Variants in MAP2 observed in about 807,000 individuals in gnomAD.
MAP2 encodes the protein microtubule-associated protein 2.
In MAP2, 14 loss-of-function variants were observed where a neutral mutation model predicts 137.6. The observed-to-expected ratio is 0.10, with a 90% CI of 0.07 to 0.16. MAP2 has a LOEUF of 0.16. Among genes scored for constraint, MAP2 ranks in the 10% least tolerant of loss-of-function variants. MAP2 has a pLI of 1.00. For missense variants in MAP2, 2,088 were observed against 2,191.5 expected (o/e 0.95, Z 0.94); for synonymous variants, 786 against 782.3 (o/e 1.00, Z -0.08).
chr2:209,692,707 A>G lies in MAP2; in HGVS notation c.537A>G (p.Glu179=), dbSNP rs763091857. ...CAGCTGAGCCTTCAGACCAGAAGGA[A>G]AAGGAGTCAGAGAAGCAAAGTAAGC... ...PSTAEPSDQK[E]KESEKQSKPG... is the part of the protein sequence containing the mutation. The change falls in exon 8 of 16, where the codon GAA becomes GAG. Residue 179 remains glutamate, a synonymous_variant. Coordinates refer to ENST00000682079, the MANE Select transcript of MAP2 (RefSeq NM_001375505.1). 6.2e-7 allele frequency: 1 copy of G among 1,613,948 alleles called. No homozygotes were observed. Among genetic ancestry groups the G allele is most frequent in the South Asian group, 1.1e-5 (1 of 91,052 alleles).
intron 3 of MAP2, among the ~76,000 whole-genome samples, chr2:209,610,599 A>G (rs534771726): frequency 3.3e-5 from 5 of 152,252 alleles, no homozygotes; most frequent in Admixed American, 6.5e-5. Flanking sequence ...AAAAGTAAAA[A>G]CTTGTATTAT....
chr2:209,604,136 C>T (rs1187085775), intron 3 of MAP2, among the ~76,000 whole-genome samples: 1 of 152,118 alleles, frequency 6.6e-6, no homozygotes, highest in Non-Finnish European at 1.5e-5. Context: ...TTGGTGCCAA[C>T]AAGAAGGCTA....
chr2:209,455,408 G>A (rs904348275), intron 1 of MAP2, among the ~76,000 whole-genome samples: 13 of 152,158 alleles, frequency 8.5e-5, no homozygotes, highest in African/African-American at 2.9e-4. Flanking sequence ...TTAACAAGTA[G>A]TTTTATCTCT....
chr2:209,462,263 A>T (rs939720600), intron 1 of MAP2, among the ~76,000 whole-genome samples: 19 of 152,308 alleles, frequency 1.2e-4, no homozygotes, highest in Middle Eastern at 3.4e-3. Context: ...GGACTTTTCA[A>T]TTAGACCTTA....
At chr2:209,541,530 A>G (rs1274081109) in intron 2 of MAP2, among the ~76,000 whole-genome samples, 5 of 147,724 alleles carry the variant, frequency 3.4e-5, no homozygotes, top group African/African-American at 5.4e-5. Flanking sequence ...GTAACATGCA[A>G]TGTTGTTTGA....
intron 5 of MAP2, among the ~76,000 whole-genome samples, chr2:209,666,440 G>A (rs947553855): frequency 6.6e-6 from 1 of 151,912 alleles, no homozygotes; most frequent in Non-Finnish European, 1.5e-5. Context: ...TAACAGTAGA[G>A]GAATAACAGT....
intron 5 of MAP2, among the ~76,000 whole-genome samples, chr2:209,659,018 A>G (rs563737682): frequency 4.6e-5 from 7 of 152,090 alleles, no homozygotes; most frequent in Non-Finnish European, 8.8e-5. Context: ...TCTTCTTTTT[A>G]CAAATAAGAA....
At chr2:209,623,303 A>G (rs879457597) in intron 3 of MAP2, among the ~76,000 whole-genome samples, 5 of 152,118 alleles carry the variant, frequency 3.3e-5, no homozygotes, top group Non-Finnish European at 7.4e-5. Flanking sequence ...CAGCAGCAGG[A>G]TGGTTCTGAC....
At chr2:209,685,165 G>A (rs1345761886) in intron 7 of MAP2, among the ~76,000 whole-genome samples, 2 of 152,120 alleles carry the variant, frequency 1.3e-5, no homozygotes, top group African/African-American at 4.8e-5. Context: ...AATCACGGTT[G>A]CACTACATCC....
chr2:209,575,505 T>C (rs1183102395), intron 2 of MAP2, among the ~76,000 whole-genome samples: 4 of 107,530 alleles, frequency 3.7e-5, no homozygotes, highest in African/African-American at 1.2e-4. Context: ...TGGGCAACAG[T>C]GAGACTCCAT....
At chr2:209,591,961 A>G (rs2079373421) in intron 3 of MAP2, among the ~76,000 whole-genome samples, 1 of 152,334 alleles carries the variant, frequency 6.6e-6, no homozygotes, top group East Asian at 1.9e-4. Context: ...ATATTCAAAA[A>G]TATATTTCCC....
intron 4 of MAP2, among the ~76,000 whole-genome samples, chr2:209,645,738 G>C (rs181824874): frequency 8.5e-5 from 13 of 152,104 alleles, no homozygotes; most frequent in African/African-American, 3.1e-4. Context: ...CAGGATTTCA[G>C]AAAAGATTTG....
At chr2:209,658,928 C>T (rs944901161) in intron 5 of MAP2, among the ~76,000 whole-genome samples, 2 of 152,192 alleles carry the variant, frequency 1.3e-5, no homozygotes, top group Admixed American at 6.5e-5. Flanking sequence ...CCATAGTGCT[C>T]TTCAGTTTAT....
At chr2:209,539,776 C>T (rs1310454779) in intron 2 of MAP2, among the ~76,000 whole-genome samples, 1 of 151,780 alleles carries the variant, frequency 6.6e-6, no homozygotes, top group Non-Finnish European at 1.5e-5. Context: ...ATGTAAGACT[C>T]ATTTGTTTTT....
intron 5 of MAP2, among the ~76,000 whole-genome samples, chr2:209,655,803 A>G (rs1289725914): frequency 6.6e-6 from 1 of 152,224 alleles, no homozygotes; most frequent in Admixed American, 6.5e-5. Context: ...ATTTCTCAGG[A>G]CACTGTTAGC....
chr2:209,483,297 T>C (rs1486249249), intron 1 of MAP2, among the ~76,000 whole-genome samples: 13 of 152,178 alleles, frequency 8.5e-5, no homozygotes, highest in Admixed American at 8.5e-4. Flanking sequence ...TGTTATAAAG[T>C]GTACCTTGTT....
intron 5 of MAP2, among the ~76,000 whole-genome samples, chr2:209,655,856 G>GTAA (rs1463246004): frequency 6.6e-6 from 1 of 152,178 alleles, no homozygotes; most frequent in African/African-American, 2.4e-5. Context: ...GCTATATGTT[G>GTAA]TAATATCCAG....
intron 5 of MAP2, among the ~76,000 whole-genome samples, chr2:209,665,612 ATAT>A (rs2153648081): frequency 6.6e-6 from 1 of 152,300 alleles, no homozygotes; most frequent in Admixed American, 6.5e-5. Context: ...TCTTGGAAAG[ATAT>A]TATGTATCCT....
At chr2:209,506,163 C>A (rs1423458697) in intron 1 of MAP2, among the ~76,000 whole-genome samples, 1 of 151,908 alleles carries the variant, frequency 6.6e-6, no homozygotes, top group Non-Finnish European at 1.5e-5. Flanking sequence ...TCTTAAATGT[C>A]CTTCATAATT....
Sources: gnomAD v4.1 joint callset for allele counts (sites outside exome capture counted in the v4.1 genomes callset) on GRCh38, gnomAD v4.1.1 for gene constraint, MANE v1.5 for transcripts, NCBI Gene and HGNC (gene_info 2026-07-23, HGNC 2026-07-21) for gene names.